Variants in LOXHD1 observed in about 807,000 individuals in gnomAD.
The protein encoded by LOXHD1 is lipoxygenase homology PLAT domains 1, also known as lipoxygenase homology domain-containing protein 1.
A neutral mutation model predicts 248.2 loss-of-function variants in LOXHD1; 205 were observed. The ratio of observed to expected loss-of-function variants is 0.83; its 90% CI spans 0.74 to 0.93. The LOEUF (loss-of-function observed/expected upper bound fraction) is 0.93, where lower values mean the gene tolerates loss of function less well. LOXHD1 is among the 40% of genes least tolerant of loss of function. The pLI, the probability that LOXHD1 is intolerant of heterozygous loss-of-function variation, is 0.00. For synonymous variants in LOXHD1, 1,113 were observed against 1,162.8 expected (o/e 0.96, Z 0.87); for missense variants, 2,930 against 2,971.6 (o/e 0.99, Z 0.33).
intron 34 of LOXHD1, among the ~76,000 whole-genome samples, chr18:46,510,621 A>C (rs888084687): frequency 2.0e-5 from 3 of 152,182 alleles, no homozygotes; most frequent in African/African-American, 7.2e-5. Flanking sequence ...GTGGCTCTGC[A>C]TGGCAATCGT....
intron 37 of LOXHD1, among the ~76,000 whole-genome samples, chr18:46,504,041 T>C (rs1386409658): frequency 2.6e-5 from 4 of 152,190 alleles, no homozygotes; most frequent in African/African-American, 9.6e-5. Flanking sequence ...TATTACTTGG[T>C]TGTAAAAAGA....
At chr18:46,594,504 C>T in intron 8 of LOXHD1, 38 bp from the exon 9 acceptor site, 1 of 1,550,208 alleles carries the variant, frequency 6.5e-7, no homozygotes, top group Non-Finnish European at 8.7e-7. Flanking sequence ...GGCATTGAGT[C>T]TCCAGTAGGG....
At chr18:46,638,421 C>T (rs1180058758) in intron 4 of LOXHD1, among the ~76,000 whole-genome samples, 1 of 152,128 alleles carries the variant, frequency 6.6e-6, no homozygotes, top group Non-Finnish European at 1.5e-5. Flanking sequence ...CACCTGAGGT[C>T]AGGAGTTTCA....
At chr18:46,607,444 A>G (rs2038434769) in intron 6 of LOXHD1, among the ~76,000 whole-genome samples, 1 of 150,086 alleles carries the variant, frequency 6.7e-6, no homozygotes, top group South Asian at 2.1e-4. Flanking sequence ...ATATATACAC[A>G]CATATATATG....
chr18:46,534,900 C>T (rs1231829223), intron 26 of LOXHD1, among the ~76,000 whole-genome samples: 1 of 152,222 alleles, frequency 6.6e-6, no homozygotes, highest in African/African-American at 2.4e-5. Context: ...TCTGTGCTCC[C>T]ACATAGAAAT....
rs957867009 is a variant in LOXHD1, at chr18:46,563,157, T to C, written c.2506A>G (p.Met836Val). The change falls in exon 18 of 41, where the codon ATG becomes GTG. Residue 836 changes from methionine to valine, a missense_variant. By Grantham distance (21) the Met-to-Val change is conservative. Coordinates refer to ENST00000642948, the MANE Select transcript of LOXHD1 (RefSeq NM_001384474.1). ...TTGCCTTTCTCTCCATAGATCTGCA[T>C]GTAGACTCGGGCACTGGTGCCTGCG... ...GGAGTSARVY[M>V]QIYGEKGKTE... is the part of the protein sequence containing the mutation. The C allele has an allele frequency of 3.2e-6, 5 of 1,539,866 alleles. No individual in the cohort carries two copies. In the African/African-American group the frequency reaches 4.1e-5, roughly 13 times the overall value.
chr18:46,608,201 G>A (rs969188119), intron 6 of LOXHD1, among the ~76,000 whole-genome samples: 11 of 152,050 alleles, frequency 7.2e-5, no homozygotes, highest in Admixed American at 5.2e-4. Flanking sequence ...TAGGTTACCC[G>A]GAAAGAAACG....
intron 15 of LOXHD1, 31 bp downstream of exon 15, chr18:46,572,055 C>T: frequency 6.5e-7 from 1 of 1,543,570 alleles, no homozygotes; most frequent in Non-Finnish European, 8.8e-7. Context: ...ACCAAGGGCA[C>T]ACCCAGCACC....
At chr18:46,518,632 A>G (rs990296652) in intron 33 of LOXHD1, among the ~76,000 whole-genome samples, 1 of 152,270 alleles carries the variant, frequency 6.6e-6, no homozygotes, top group South Asian at 2.1e-4. Context: ...CAGACCTGCC[A>G]CCTGCTGGCT....
At chr18:46,646,017 T>C (rs756044386) in intron 2 of LOXHD1, among the ~76,000 whole-genome samples, 8 of 152,206 alleles carry the variant, frequency 5.3e-5, no homozygotes, top group Non-Finnish European at 8.8e-5. Flanking sequence ...GTTGTTTGCA[T>C]TGCTGCAGTG....
intron 33 of LOXHD1, among the ~76,000 whole-genome samples, chr18:46,519,933 G>C (rs1002848826): frequency 1.3e-5 from 2 of 152,196 alleles, no homozygotes; most frequent in Non-Finnish European, 2.9e-5. Context: ...ATGGATAACG[G>C]GTGTAGGTCT....
chr18:46,575,568 G>A (rs1340544450), intron 14 of LOXHD1, among the ~76,000 whole-genome samples: 1 of 152,198 alleles, frequency 6.6e-6, no homozygotes, highest in Non-Finnish European at 1.5e-5. Context: ...GGAAGATGCT[G>A]TGAGGAGGCG....
chr18:46,508,707 G>A (rs547441793), intron 35 of LOXHD1, among the ~76,000 whole-genome samples: 1 of 152,364 alleles, frequency 6.6e-6, no homozygotes, highest in African/African-American at 2.4e-5. Context: ...GTGACACGGA[G>A]GCTGCAGGAA....
At chr18:46,630,336 C>A (rs2144355810) in intron 4 of LOXHD1, among the ~76,000 whole-genome samples, 1 of 152,328 alleles carries the variant, frequency 6.6e-6, no homozygotes, top group East Asian at 1.9e-4. Flanking sequence ...GCCACATGAT[C>A]ATCTCAGTGC....
chr18:46,604,052 C>A, intron 7 of LOXHD1, 54 bp downstream of exon 7: 1 of 1,549,260 alleles, frequency 6.5e-7, no homozygotes, highest in Non-Finnish European at 8.7e-7. Flanking sequence ...CCAACAGCGA[C>A]CCTTAGGCAG....
chr18:46,562,998 A>T (rs2037561442), intron 18 of LOXHD1, 67 bp downstream of exon 18: 3 of 1,489,186 alleles, frequency 2.0e-6, no homozygotes, highest in African/African-American at 1.4e-5. Context: ...AAATTAGTAC[A>T]CCCAGGGAAG....
At chr18:46,632,636 A>T (rs2038840823) in intron 4 of LOXHD1, among the ~76,000 whole-genome samples, 1 of 152,104 alleles carries the variant, frequency 6.6e-6, no homozygotes, top group Admixed American at 6.5e-5. Context: ...AACAGAAGGG[A>T]TGCCAACAAG....
intron 29 of LOXHD1, among the ~76,000 whole-genome samples, chr18:46,526,447 T>C (rs969879520): frequency 6.6e-6 from 1 of 152,350 alleles, no homozygotes; most frequent in South Asian, 2.1e-4. Context: ...GCCTTTTATG[T>C]ATAACAGTAA....
In LOXHD1 at chr18:46,505,959, C is replaced by A. The variant is rs1288885656; in HGVS notation, c.5757G>T (p.Leu1919=). ...TCCAGTTTGCCGACTGCTTCAGGGC[C>A]AGTGTCCCACTATCCCCGTTCTCCC... ...IFGENGDSGT[L]ALKQSANWNK... Residue 1919 remains leucine, a synonymous_variant, in exon 37 of 41, where the codon CTG becomes CTT. Transcript: ENST00000642948. 6.4e-7 allele frequency: 1 copy of A among 1,552,232 alleles called. No homozygotes were observed. The highest frequency in any genetic ancestry group is 1.2e-5 in the South Asian group (1 of 84,056).
Sources: allele counts gnomAD v4.1 joint callset (sites outside exome capture counted in the v4.1 genomes callset), GRCh38; gene constraint gnomAD v4.1.1; transcripts MANE v1.5; gene names NCBI Gene and HGNC (gene_info 2026-07-23, HGNC 2026-07-21).